The following C7 variants were observed in gnomAD, a reference collection of about 807,000 sequenced individuals.
C7 encodes complement component C7.
In C7, 83 loss-of-function variants were observed where a neutral mutation model predicts 104.8. The ratio of observed to expected loss-of-function variants is 0.79; its 90% CI spans 0.66 to 0.95. The LOEUF is 0.95. Among genes scored for constraint, C7 ranks in the 40% least tolerant of loss-of-function variants. C7 has a pLI of 0.00. For synonymous variants in C7, 415 were observed against 360.6 expected, an observed-to-expected ratio of 1.15 and a Z score of -1.71; for missense variants, 1,070 against 1,011.2, an observed-to-expected ratio of 1.06 and a Z score of -0.79.
intron 14 of C7, among the ~76,000 whole-genome samples, chr5:40,966,532 C>T (rs534926917): frequency 3.5e-4 from 53 of 152,150 alleles, no homozygotes; most frequent in African/African-American, 1.2e-3. Flanking sequence ...GTGCACACCA[C>T]CATGACCGGC....
chr5:40,981,717 A>C lies in C7; in HGVS notation c.*144A>C. The C allele has an allele frequency of 1.6e-6, 1 of 630,236 alleles. No individual in the cohort carries two copies. The highest frequency in any genetic ancestry group is 2.7e-6 in the Non-Finnish European group (1 of 375,770). The allele number at this position is 630,236 out of a possible 1,614,324, so 39.0% of individuals were successfully genotyped here. Reference sequence around the variant, plus strand: ...CCTCAACTCCCAGCCATCTGTATAAACACAATCCTTTGTTCTCCCAAATCT... The same window carrying C: ...CCTCAACTCCCAGCCATCTGTATAACCACAATCCTTTGTTCTCCCAAATCT... On this transcript the variant is annotated 3_prime_UTR_variant, in exon 18 of 18. Coordinates refer to ENST00000313164, the MANE Select transcript of C7 (RefSeq NM_000587.4).
intron 4 of C7, among the ~76,000 whole-genome samples, 185 bp from the exon 5 acceptor site, chr5:40,936,153 C>T (rs1739810411): frequency 6.6e-6 from 1 of 152,130 alleles, no homozygotes; most frequent in Non-Finnish European, 1.5e-5. Flanking sequence ...GAACCATTTC[C>T]ATGTGCCATA....
intron 13 of C7, among the ~76,000 whole-genome samples, chr5:40,964,019 A>ATTTT (rs1249457358): frequency 1.1e-5 from 1 of 87,656 alleles, no homozygotes; most frequent in Non-Finnish European, 2.5e-5. Flanking sequence ...AGCTCATAAT[A>ATTTT]CTTTTTTTTT....
At position 40,947,800 on chromosome 5, in the gene C7, T is replaced by C. The variant is rs1429260531; in HGVS notation, c.937T>C (p.Tyr313His). Residue 313 changes from tyrosine to histidine, a missense_variant, in exon 8 of 18, where the codon TAC becomes CAC. Tyr to His is a moderately conservative substitution (Grantham distance 83, BLOSUM62 2). Transcript: ENST00000313164. The stretch of plus-strand genomic sequence containing the variant: ...GCAATCTGGGTCGTTAGGAGGAGAA[T>C]ACAGAGTTCTATTTTATGTGGACTC... Reference protein sequence around the residue: ...YLQSGSLGGEYRVLFYVDSEK... With the variant: ...YLQSGSLGGEHRVLFYVDSEK... 8.1e-6 allele frequency: 13 copies of C among 1,613,196 alleles called. No homozygotes were observed. The highest frequency in any genetic ancestry group is 1.1e-5 in the Non-Finnish European group (13 of 1,179,540).
intron 1 of C7, among the ~76,000 whole-genome samples, chr5:40,920,024 C>T (rs1322105366): frequency 6.6e-6 from 1 of 151,428 alleles, no homozygotes; most frequent in Non-Finnish European, 1.5e-5. Context: ...ACTAGAAAAA[C>T]AATACAAAAG....
intron 15 of C7, among the ~76,000 whole-genome samples, chr5:40,975,916 A>C (rs1353431876): frequency 6.6e-6 from 1 of 152,248 alleles, no homozygotes; most frequent in Non-Finnish European, 1.5e-5. Context: ...GTGTATGGCA[A>C]TGAATTTCAT....
chr5:40,976,660 A>G (rs1443486495), intron 15 of C7, 90 bp from the exon 16 acceptor site: 1 of 801,688 alleles, frequency 1.2e-6, no homozygotes, highest in East Asian at 2.7e-5. Context: ...GGAGAATACT[A>G]CAGACCCTGG....
At chr5:40,946,031 G>T (rs1740040782) in intron 7 of C7, among the ~76,000 whole-genome samples, 1 of 151,206 alleles carries the variant, frequency 6.6e-6, no homozygotes, top group African/African-American at 2.4e-5. Context: ...TCTTAAATTT[G>T]TGATTACTGG....
chr5:40,979,930 G>T (rs752677760), intron 17 of C7, 21 bp downstream of exon 17: 1 of 1,551,156 alleles, frequency 6.4e-7, no homozygotes, highest in South Asian at 1.2e-5. Flanking sequence ...TTTCATATTT[G>T]TAAGTATAAG....
At chr5:40,952,871 T>G (rs1195541117) in intron 9 of C7, among the ~76,000 whole-genome samples, 1 of 152,190 alleles carries the variant, frequency 6.6e-6, no homozygotes, top group Non-Finnish European at 1.5e-5. Context: ...CTGGAAACCA[T>G]CATTCTTAGC....
rs561925821 is a variant in C7, at chr5:40,930,573, G to GT, written c.63-484dup. Among the ~76,000 whole-genome samples the GT allele has an allele frequency of 1.7e-3, 256 of 146,840 alleles. 1 individual carries two copies. Among genetic ancestry groups the GT allele is most frequent in the South Asian group, 3.9e-3 (18 of 4,628 alleles). On this transcript the variant is annotated intron_variant, in intron 2 of 17. Coordinates refer to ENST00000313164, the MANE Select transcript of C7 (RefSeq NM_000587.4). ...TAGAACCTGGTACATAATAGATTTT[G>GT]TTTTTTTGTGATGGAGACTCCCTCT... is the stretch of plus-strand genomic sequence containing the variant.
intron 14 of C7, among the ~76,000 whole-genome samples, chr5:40,966,912 T>C (rs541055904): frequency 2.0e-5 from 3 of 152,096 alleles, no homozygotes; most frequent in Non-Finnish European, 4.4e-5. Flanking sequence ...ACAAATGAAA[T>C]AGAATATGAA....
chr5:40,947,020 A>G (rs1240956494), intron 7 of C7, among the ~76,000 whole-genome samples: 2 of 151,046 alleles, frequency 1.3e-5, no homozygotes, highest in Non-Finnish European at 2.9e-5. Flanking sequence ...TGCTTTGTTG[A>G]TTTCATATTG....
intron 7 of C7, among the ~76,000 whole-genome samples, chr5:40,946,613 C>T (rs568546694): frequency 6.6e-6 from 1 of 152,242 alleles, no homozygotes; most frequent in South Asian, 2.1e-4. Flanking sequence ...TGCAAATACC[C>T]TAGCATGGGA....
chr5:40,922,039 A>AAAACAAAC (rs200654306), intron 1 of C7, among the ~76,000 whole-genome samples: 1 of 137,672 alleles, frequency 7.3e-6, no homozygotes, highest in Non-Finnish European at 1.7e-5. Context: ...CTCTGTCTCA[A>AAAACAAAC]AAACAAACAA....
In C7 at chr5:40,978,706, G is replaced by A. The variant is rs979492839; in HGVS notation, c.2166-1019G>A. 5.9e-5 allele frequency among the ~76,000 whole-genome samples: 9 copies of A among 152,016 alleles called. No homozygotes were observed. The South Asian group carries it at 1.9e-3, about 32-fold the overall frequency. On this transcript the variant is annotated intron_variant, in intron 16 of 17. Coordinates refer to ENST00000313164, the MANE Select transcript of C7 (RefSeq NM_000587.4). ...ATATAGACTCTTTCTGACTCCATCT[G>A]GTATACAAAAATGCTGTGTTGTCTA...
At chr5:40,956,814 G>A (rs1033562658) in intron 10 of C7, among the ~76,000 whole-genome samples, 2 of 152,194 alleles carry the variant, frequency 1.3e-5, no homozygotes, top group African/African-American at 4.8e-5. Flanking sequence ...TTCCTAGAAA[G>A]TCTTATCTTA....
At chr5:40,969,220 A>T (rs115788979) in intron 14 of C7, among the ~76,000 whole-genome samples, 1,685 of 152,000 alleles carry the variant, frequency 0.011, 35 homozygotes, top group African/African-American at 0.038. Context: ...GTGTGTAATA[A>T]GCAAATCAGA....
At chr5:40,978,173 T>G (rs1740859848) in intron 16 of C7, among the ~76,000 whole-genome samples, 1 of 148,232 alleles carries the variant, frequency 6.7e-6, no homozygotes, top group Admixed American at 6.7e-5. Flanking sequence ...ACCAAAACAC[T>G]AATTACTTGG....
Sources: allele counts gnomAD v4.1 joint callset (sites outside exome capture counted in the v4.1 genomes callset), GRCh38; gene constraint gnomAD v4.1.1; transcripts MANE v1.5; gene names NCBI Gene and HGNC (gene_info 2026-07-23, HGNC 2026-07-21).